Variants in MYRFL observed in about 807,000 individuals in gnomAD.
MYRFL encodes the protein myelin regulatory factor-like protein.
In MYRFL, 88 loss-of-function variants were observed where a neutral mutation model predicts 109.4. That is an observed-to-expected ratio of 0.80 (90% CI 0.68 to 0.96). The LOEUF is 0.96. MYRFL is among the 40% of genes least tolerant of loss of function. MYRFL has a pLI of 0.00. For synonymous variants in MYRFL, 324 were observed against 320.9 expected (o/e 1.01, Z -0.10); for missense variants, 957 against 954.9 (o/e 1.00, Z -0.03).
intron 2 of MYRFL, among the ~76,000 whole-genome samples, chr12:69,857,497 C>T (rs930040942): frequency 6.6e-6 from 1 of 151,788 alleles, no homozygotes; most frequent in African/African-American, 2.4e-5. Context: ...AACATTCTAA[C>T]AAAATTGAGC....
At chr12:69,851,157 A>G (rs569773826) in intron 1 of MYRFL, among the ~76,000 whole-genome samples, 1 of 152,350 alleles carries the variant, frequency 6.6e-6, no homozygotes, top group East Asian at 1.9e-4. Context: ...ACTAGCCTGT[A>G]CTTTTTGAAA....
chr12:69,936,244 C>T, intron 17 of MYRFL, 39 bp from the exon 18 acceptor site: 1 of 1,535,260 alleles, frequency 6.5e-7, no homozygotes, highest in Non-Finnish European at 8.7e-7. Flanking sequence ...AGGATTTTTG[C>T]AGCCCTCTTT....
chr12:69,848,338 G>A (rs1433161229), intron 1 of MYRFL, among the ~76,000 whole-genome samples: 1 of 151,794 alleles, frequency 6.6e-6, no homozygotes, highest in Non-Finnish European at 1.5e-5. Flanking sequence ...ATTTTTGATT[G>A]TAGATATATT....
chr12:69,903,227 T>C (rs1262715143), intron 10 of MYRFL, among the ~76,000 whole-genome samples: 2 of 152,224 alleles, frequency 1.3e-5, no homozygotes, highest in Non-Finnish European at 2.9e-5. Context: ...AAATGCAAGG[T>C]ATTTTTATTT....
intron 1 of MYRFL, among the ~76,000 whole-genome samples, chr12:69,832,132 A>G (rs1408790932): frequency 6.6e-6 from 1 of 152,152 alleles, no homozygotes; most frequent in African/African-American, 2.4e-5. Context: ...TTCAGCAACG[A>G]TTAGATATAA....
intron 1 of MYRFL, among the ~76,000 whole-genome samples, chr12:69,845,792 G>GA (rs71276402): frequency 0.22 from 26,728 of 120,024 alleles, 3,090 homozygotes; most frequent in East Asian, 0.47. Context: ...TGGGAAAAGC[G>GA]AAAAAAAAAA....
intron 13 of MYRFL, among the ~76,000 whole-genome samples, chr12:69,919,960 A>C (rs1954856322): frequency 6.6e-6 from 1 of 152,194 alleles, no homozygotes; most frequent in African/African-American, 2.4e-5. Flanking sequence ...TCACTAAATA[A>C]AGGATGAATT....
intron 10 of MYRFL, among the ~76,000 whole-genome samples, chr12:69,902,962 C>A (rs555430622): frequency 3.3e-5 from 5 of 152,190 alleles, no homozygotes; most frequent in Non-Finnish European, 4.4e-5. Flanking sequence ...AACTTATTAG[C>A]TTTGTGGCTT....
intron 1 of MYRFL, among the ~76,000 whole-genome samples, chr12:69,853,552 C>G (rs528480536): frequency 1.4e-5 from 2 of 139,352 alleles, no homozygotes; most frequent in East Asian, 4.5e-4. Flanking sequence ...ACATCTCAGA[C>G]GACGGGCGGC....
In MYRFL at chr12:69,909,975, A is replaced by G. The variant is rs1954501217; in HGVS notation, c.1390A>G (p.Thr464Ala). Residue 464 changes from threonine (T) to alanine (A), a missense_variant, in exon 12 of 25, where the codon ACG (threonine) becomes GCG (alanine). By Grantham distance (58) the Thr-to-Ala change is moderately conservative. Coordinates refer to ENST00000552032, the MANE Select transcript of MYRFL (RefSeq NM_182530.3). ...RAKQNIQEVDTNEQLKRIAQM... is the reference protein window; with the variant it reads ...RAKQNIQEVDANEQLKRIAQM... The stretch of plus-strand genomic sequence containing the variant: ...TCTTCTTTAATTAAATTAGGTTGAC[A>G]CGAATGAACAGCTGAAAAGAATAGC... 1 of 1,523,974 alleles carries G rather than the reference A, an allele frequency of 6.6e-7. No homozygotes were observed. The allele number at this position is 1,523,974 out of a possible 1,614,324, so 94.4% of individuals were successfully genotyped here.
At chr12:69,839,645 G>C (rs2464285) in intron 1 of MYRFL, among the ~76,000 whole-genome samples, 1,892 of 152,116 alleles carry the variant, frequency 0.012, 43 homozygotes, top group African/African-American at 0.042. Flanking sequence ...TTCTCTGAAA[G>C]ATAGGGATAA....
Position 69,926,590 on chromosome 12 carries a change from A to G in MYRFL, c.1622A>G (p.Asn541Ser). 6.6e-7 allele frequency: 1 copy of G among 1,506,976 alleles called. No individual in the cohort carries two copies. Among genetic ancestry groups the G allele is most frequent in the African/African-American group, 1.4e-5 (1 of 71,868 alleles). 93.4% of individuals were successfully genotyped at this position (1,506,976 alleles called of 1,614,324 possible). A position where few individuals can be genotyped will look rare whatever the true frequency, so the allele number is the denominator to read the frequency against. ...TTTTAGGACCAGATCTTTATGGAAA[A>G]TGTAGGTGCAGTGAAGCAACTGTGC... ...MVDKDQIFME[N>S]VGAVKQLCKL... Residue 541 changes from asparagine (N) to serine (S), a missense_variant, in exon 14 of 25, where the codon AAT (asparagine) becomes AGT (serine). Coordinates refer to ENST00000552032, the MANE Select transcript of MYRFL (RefSeq NM_182530.3).
chr12:69,940,707 C>A (rs1342833229), intron 19 of MYRFL, among the ~76,000 whole-genome samples: 1 of 149,678 alleles, frequency 6.7e-6, no homozygotes, highest in East Asian at 2.0e-4. Context: ...TGTAAATGGA[C>A]TAAATGCTCC....
At chr12:69,943,569 C>G (rs529614599) in intron 19 of MYRFL, among the ~76,000 whole-genome samples, 1,839 of 151,626 alleles carry the variant, frequency 0.012, 19 homozygotes, top group South Asian at 0.03. Flanking sequence ...AGACCTAAAA[C>G]CATAAAAACC....
At chr12:69,911,656 C>A (rs1428937450) in intron 13 of MYRFL, among the ~76,000 whole-genome samples, 2 of 152,110 alleles carry the variant, frequency 1.3e-5, no homozygotes, top group Non-Finnish European at 2.9e-5. Context: ...TTGAGGAGTT[C>A]CCTAATACCA....
intron 1 of MYRFL, among the ~76,000 whole-genome samples, chr12:69,849,113 C>A (rs1417457965): frequency 6.6e-6 from 1 of 152,214 alleles, no homozygotes; most frequent in Non-Finnish European, 1.5e-5. Context: ...CTTAAGTGAT[C>A]TGCCCATCTC....
intron 6 of MYRFL, among the ~76,000 whole-genome samples, chr12:69,888,181 A>G (rs1886573508): frequency 6.6e-6 from 1 of 152,234 alleles, no homozygotes; most frequent in South Asian, 2.1e-4. Context: ...AACACAGAGT[A>G]TATGGAAACA....
chr12:69,886,386 G>A (rs1466195458), intron 5 of MYRFL, among the ~76,000 whole-genome samples: 2 of 152,096 alleles, frequency 1.3e-5, no homozygotes, highest in African/African-American at 4.8e-5. Flanking sequence ...CATCCCTGAA[G>A]TGCTGAGATC....
At chr12:69,930,649 T>C (rs1197170113) in intron 15 of MYRFL, among the ~76,000 whole-genome samples, 1 of 151,864 alleles carries the variant, frequency 6.6e-6, no homozygotes, top group Non-Finnish European at 1.5e-5. Flanking sequence ...TGAGACCCCA[T>C]AGCTACAAAA....
Sources: gnomAD v4.1 joint callset for allele counts (sites outside exome capture counted in the v4.1 genomes callset) on GRCh38, gnomAD v4.1.1 for gene constraint, MANE v1.5 for transcripts, NCBI Gene and HGNC (gene_info 2026-07-23, HGNC 2026-07-21) for gene names.